OLFML2B: variants seen among roughly 807,000 people sequenced by gnomAD.
OLFML2B encodes olfactomedin-like protein 2B.
In OLFML2B, 57 loss-of-function variants were observed where a neutral mutation model predicts 74.9. That is an observed-to-expected ratio of 0.76 (90% confidence interval 0.61 to 0.95). The LOEUF (loss-of-function observed/expected upper bound fraction) is 0.95. Among genes scored for constraint, OLFML2B ranks in the 40% least tolerant of loss-of-function variants. OLFML2B has a pLI of 0.00. For missense variants in OLFML2B, 986 were observed against 970.6 expected (o/e 1.02, Z -0.21); for synonymous variants, 388 against 405.8 (o/e 0.96, Z 0.53).
chr1:162,003,682 G>A (rs529205223), intron 4 of OLFML2B, among the ~76,000 whole-genome samples: 130 of 152,116 alleles, frequency 8.5e-4, no homozygotes, highest in African/African-American at 3.0e-3. Flanking sequence ...TCCCAACCCA[G>A]CCCCCAGAGC....
chr1:161,988,340 C>T (rs895778902), intron 6 of OLFML2B, among the ~76,000 whole-genome samples: 1 of 152,272 alleles, frequency 6.6e-6, no homozygotes, highest in Admixed American at 6.5e-5. Context: ...CAAGCAAGAG[C>T]CTTCCTGGCT....
intron 3 of OLFML2B, among the ~76,000 whole-genome samples, chr1:162,012,690 G>A (rs1434575856): frequency 6.6e-6 from 1 of 152,240 alleles, no homozygotes; most frequent in African/African-American, 2.4e-5. Context: ...AAAGCTTGCA[G>A]GCATGCATCT....
At chr1:161,995,778 G>T (rs1689879725) in intron 6 of OLFML2B, among the ~76,000 whole-genome samples, 1 of 152,208 alleles carries the variant, frequency 6.6e-6, no homozygotes, top group Non-Finnish European at 1.5e-5. Flanking sequence ...CTGTGGTAGG[G>T]GTGACAGGGG....
chr1:162,021,727 G>A (rs1325957864), intron 1 of OLFML2B, among the ~76,000 whole-genome samples: 1 of 152,224 alleles, frequency 6.6e-6, no homozygotes. Flanking sequence ...CGGGCTGATA[G>A]TAAATTGTGG....
chr1:161,988,431 G>A (rs1391681864), intron 6 of OLFML2B, among the ~76,000 whole-genome samples: 1 of 152,036 alleles, frequency 6.6e-6, no homozygotes, highest in Admixed American at 6.6e-5. Flanking sequence ...AACTAACCTC[G>A]TCAGCAATGC....
intron 3 of OLFML2B, among the ~76,000 whole-genome samples, chr1:162,012,234 A>G (rs1268793075): frequency 6.6e-6 from 1 of 152,112 alleles, no homozygotes; most frequent in Non-Finnish European, 1.5e-5. Flanking sequence ...GGGTGTCTCG[A>G]CAGGGGTGGA....
chr1:162,021,403 C>T (rs12126296), intron 1 of OLFML2B, among the ~76,000 whole-genome samples: 13,361 of 152,232 alleles, frequency 0.088, 721 homozygotes, highest in East Asian at 0.15. Context: ...CAACTCTGGG[C>T]GCTTGCTGGG....
intron 3 of OLFML2B, among the ~76,000 whole-genome samples, chr1:162,016,856 A>G (rs1025021893): frequency 6.6e-6 from 1 of 152,218 alleles, no homozygotes. Context: ...GTCTTTGTCT[A>G]TGAAAATTGC....
chr1:161,997,706 T>C, intron 6 of OLFML2B, 119 bp downstream of exon 6: 2 of 1,087,032 alleles, frequency 1.8e-6, no homozygotes, highest in South Asian at 3.2e-5. Context: ...TTAACTCCAC[T>C]TGCCATTCCC....
Position 162,000,114 on chromosome 1 carries a change from C to G in OLFML2B, c.948G>C (p.Gln316His), listed in dbSNP as rs778105808. The G allele has an allele frequency of 6.3e-7, 1 of 1,586,780 alleles. No homozygotes were observed. Among genetic ancestry groups the G allele is most frequent in the South Asian group, 1.1e-5 (1 of 88,782 alleles). Reference protein sequence around the residue: ...VSEEENDIEEQQDEFFSGDNG... With the variant: ...VSEEENDIEEHQDEFFSGDNG... ...GCGGCCCTGTTGACCCCAACTCACG[C>G]TGCTCTTCAATGTCATTCTCTTCTT... is the stretch of plus-strand genomic sequence containing the variant. The change falls in exon 5 of 8, where the codon CAG (glutamine) becomes CAC (histidine). Residue 316 changes from glutamine (Q) to histidine (H), a missense_variant and splice_region_variant. Transcript: ENST00000294794.
Position 161,984,109 on chromosome 1 carries a change from C to T in OLFML2B, c.1819G>A (p.Glu607Lys), listed in dbSNP as rs541383588. 1.6e-5 allele frequency: 25 copies of T among 1,611,290 alleles called. No homozygotes were observed. Among genetic ancestry groups the T allele is most frequent in the South Asian group, 1.1e-4 (10 of 90,792 alleles). Residue 607 changes from glutamate (E) to lysine (K), a missense_variant, in exon 8 of 8, where the codon GAG becomes AAG. Physicochemically the swap from Glu to Lys is moderately conservative, Grantham distance 56. Coordinates refer to ENST00000294794, the MANE Select transcript of OLFML2B (RefSeq NM_015441.3). ...AWAMLHDVAY[E>K]EATPWRWQGH... ...TGCCATCGCCAGGGGGTGGCCTCCT[C>T]GTAGGCCACGTCATGCAGCATGGCC...
chr1:162,020,318 T>C (rs1386309098), intron 1 of OLFML2B, 136 bp from the exon 2 acceptor site: 4 of 964,444 alleles, frequency 4.1e-6, no homozygotes, highest in East Asian at 2.6e-5. Context: ...ACAGAGCCAA[T>C]AGGTCACTGA....
Position 161,983,571 on chromosome 1 carries a change from A to ATAT in OLFML2B, c.*101_*103dup. ...TTTGCAATATTATACAAAATAATAT[A>ATAT]TATTTTTAAACAACACATACCCACC... On this transcript the variant is annotated 3_prime_UTR_variant, in exon 8 of 8. Transcript: ENST00000294794. The ATAT allele has an allele frequency of 8.1e-7, 1 of 1,233,340 alleles. No homozygotes were observed. Among genetic ancestry groups the ATAT allele is most frequent in the Non-Finnish European group, 1.1e-6 (1 of 891,708 alleles). The allele number at this position is 1,233,340 out of a possible 1,614,324, so 76.4% of individuals were successfully genotyped here.
At position 161,984,849 on chromosome 1, in the gene OLFML2B, C is replaced by T. The variant is rs185436876; in HGVS notation, c.1606G>A (p.Gly536Ser). 4.2e-5 allele frequency: 68 copies of T among 1,612,770 alleles called. No homozygotes were observed. In the Admixed American group the frequency reaches 6.5e-4, roughly 15 times the overall value. ...TTCCGGAACTCTACCAGGGTGTTGCCGTAGTAATAGTTGGTTACGTAAATC... is the reference window on the plus strand; with the variant it reads ...TTCCGGAACTCTACCAGGGTGTTGCTGTAGTAATAGTTGGTTACGTAAATC... The part of the protein sequence containing the change: ...ERIYVTNYYY[G>S]NTLVEFRNLE... Residue 536 changes from glycine (G) to serine (S), a missense_variant, in exon 7 of 8, where the codon GGC (glycine) becomes AGC (serine). By Grantham distance (56) the Gly-to-Ser change is moderately conservative (BLOSUM62 0). Transcript: ENST00000294794.
chr1:162,005,396 C>T (rs115502932), intron 4 of OLFML2B, among the ~76,000 whole-genome samples: 15 of 152,340 alleles, frequency 9.8e-5, no homozygotes, highest in Non-Finnish European at 1.8e-4. Flanking sequence ...AGACCATGCT[C>T]ATAGCTGGAT....
At chr1:162,011,364 G>T (rs1690376002) in intron 3 of OLFML2B, among the ~76,000 whole-genome samples, 1 of 152,200 alleles carries the variant, frequency 6.6e-6, no homozygotes, top group African/African-American at 2.4e-5. Flanking sequence ...ACCCAAGGGG[G>T]GAGGGCTCGT....
chr1:161,994,711 T>G (rs937376274), intron 6 of OLFML2B, among the ~76,000 whole-genome samples: 2 of 152,104 alleles, frequency 1.3e-5, no homozygotes, highest in Non-Finnish European at 2.9e-5. Context: ...ATTTTTCCTC[T>G]CCCTGTCCTA....
intron 5 of OLFML2B, among the ~76,000 whole-genome samples, chr1:161,999,415 GC>G (rs1251333269): frequency 9.2e-5 from 14 of 152,104 alleles, no homozygotes; most frequent in Non-Finnish European, 5.9e-5. Flanking sequence ...AAATGATGAC[GC>G]CAGCTACTGG....
intron 2 of OLFML2B, 63 bp from the exon 3 acceptor site, chr1:162,017,570 T>C: frequency 8.1e-7 from 1 of 1,233,286 alleles, no homozygotes; most frequent in East Asian, 2.5e-5. Context: ...CAGAGTTTCC[T>C]TTCAGATCTG....
Sources: gnomAD v4.1 joint callset for allele counts (sites outside exome capture counted in the v4.1 genomes callset) on GRCh38, gnomAD v4.1.1 for gene constraint, MANE v1.5 for transcripts, NCBI Gene and HGNC (gene_info 2026-07-23, HGNC 2026-07-21) for gene names.